The following SPRYD3 variants were observed in gnomAD, a reference collection of about 807,000 sequenced individuals.
The protein encoded by SPRYD3 is SPRY domain-containing protein 3.
SPRYD3 carries 17 observed loss-of-function variants against 50.1 expected under a neutral mutation model. The ratio of observed to expected loss-of-function variants is 0.34; its 90% CI spans 0.23 to 0.51. The LOEUF is 0.51. Ranked by LOEUF, SPRYD3 falls within the 20% of genes least tolerant of loss-of-function variation. SPRYD3 has a pLI of 0.97. For synonymous variants in SPRYD3, 198 were observed against 215.5 expected (o/e 0.92, Z 0.71); for missense variants, 401 against 591.2 (o/e 0.68, Z 3.34).
chr12:53,067,117 A>C (rs972662054), intron 8 of SPRYD3, among the ~76,000 whole-genome samples: 2 of 151,704 alleles, frequency 1.3e-5, no homozygotes, highest in Non-Finnish European at 2.9e-5. Flanking sequence ...CTCAAAAAAA[A>C]AAAAAAAAAA....
chr12:53,072,142 T>G (rs1944554278), intron 6 of SPRYD3, among the ~76,000 whole-genome samples: 2 of 152,124 alleles, frequency 1.3e-5, no homozygotes, highest in Admixed American at 1.3e-4. Flanking sequence ...GCCCCAAGTT[T>G]AACTCTGTAG....
rs751544747 is a variant in SPRYD3 at position 53,074,676 on chromosome 12, C to T, written c.480G>A (p.Gln160=). 19 of 1,614,162 alleles carry T rather than the reference C, an allele frequency of 1.2e-5. No homozygotes were observed. The highest frequency in any genetic ancestry group is 1.6e-4 in the Middle Eastern group (1 of 6,084). ...EPVSFDVQTA[Q]IFFTKNGKRV... Reference sequence around the variant, plus strand: ...GCTTCCCATTTTTGGTGAAGAAGATCTGGGCGGTCTGCACATCAAAGGACA... The same window carrying T: ...GCTTCCCATTTTTGGTGAAGAAGATTTGGGCGGTCTGCACATCAAAGGACA... The change falls in exon 5 of 11, where the codon CAG becomes CAA. Residue 160 remains glutamine (Q), a synonymous_variant. Transcript: ENST00000301463. This position sits in a 1 kb window ranked among gnomAD's most constrained non-coding sequence, Gnocchi z 4.6.
Position 53,066,356 on chromosome 12 carries a change from A to ATCCTCT in SPRYD3, c.1146_1151dup (p.Glu382_Glu383dup), listed in dbSNP as rs751496444. On this transcript the variant is annotated inframe_insertion, in exon 10 of 11. Transcript: ENST00000301463. Reference sequence around the variant, plus strand: ...CATGCTCCGGCTCTATCTCTTCCCCATCCTCTTCCTCTTCCTCTTCCTCCT... The same window carrying ATCCTCT: ...CATGCTCCGGCTCTATCTCTTCCCCATCCTCTTCCTCTTCCTCTTCCTCTTCCTCCT... 4.3e-5 allele frequency: 69 copies of ATCCTCT among 1,613,230 alleles called. 1 individual carries two copies. The highest frequency in any genetic ancestry group is 3.3e-4 in the African/African-American group (25 of 74,750).
Position 53,065,689 on chromosome 12 carries a change from CAG to C in SPRYD3, c.*141_*142del, listed in dbSNP as rs373761196. The C allele has an allele frequency of 2.0e-5, 17 of 840,344 alleles. No individual in the cohort carries two copies. The highest frequency in any genetic ancestry group is 1.5e-4 in the East Asian group (6 of 40,534). 52.1% of individuals were successfully genotyped at this position (840,344 alleles called of 1,614,324 possible). A position where few individuals can be genotyped will look rare whatever the true frequency, so the allele number is the denominator to read the frequency against. ...GAAACGTGGGCACAGAGAAGCGTGA[CAG>C]GGGCCTGAGCCAGTGGGGGCAGAGT... On this transcript the variant is annotated 3_prime_UTR_variant, in exon 11 of 11. Transcript: ENST00000301463.
At position 53,065,849 on chromosome 12, in the gene SPRYD3, G is replaced by A. The variant is rs766513301; in HGVS notation, c.1312C>T (p.His438Tyr). The A allele has an allele frequency of 1.2e-6, 2 of 1,613,386 alleles. No individual in the cohort carries two copies. Among genetic ancestry groups the A allele is most frequent in the Non-Finnish European group, 1.7e-6 (2 of 1,179,844 alleles). ...SCGEKVKVDL[H>Y]PLSG Reference sequence around the variant, plus strand: ...GGGAGGCCCTAGCCACTCAAGGGGTGCAGATCTACTTTGACTTTCTCCCCG... The same window carrying A: ...GGGAGGCCCTAGCCACTCAAGGGGTACAGATCTACTTTGACTTTCTCCCCG... Residue 438 changes from histidine to tyrosine, a missense_variant, in exon 11 of 11, where the codon CAC (histidine) becomes TAC (tyrosine). By Grantham distance (83) the His-to-Tyr change is moderately conservative. Coordinates refer to ENST00000301463, the MANE Select transcript of SPRYD3 (RefSeq NM_032840.3).
At position 53,065,848 on chromosome 12, in the gene SPRYD3, T is replaced by C. The variant is rs187951293; in HGVS notation, c.1313A>G (p.His438Arg). Residue 438 changes from histidine to arginine, a missense_variant, in exon 11 of 11, where the codon CAC becomes CGC. Coordinates refer to ENST00000301463, the MANE Select transcript of SPRYD3 (RefSeq NM_032840.3). The part of the protein sequence containing the change: ...SCGEKVKVDL[H>R]PLSG Reference sequence around the variant, plus strand: ...GGGGAGGCCCTAGCCACTCAAGGGGTGCAGATCTACTTTGACTTTCTCCCC... The same window carrying C: ...GGGGAGGCCCTAGCCACTCAAGGGGCGCAGATCTACTTTGACTTTCTCCCC... 66 of 1,612,998 alleles carry C rather than the reference T, an allele frequency of 4.1e-5. No individual in the cohort carries two copies. The East Asian group carries it at 1.4e-3, about 34-fold the overall frequency.
intron 5 of SPRYD3, 29 bp from the exon 6 acceptor site, chr12:53,073,500 AC>A: frequency 6.7e-7 from 1 of 1,499,222 alleles, no homozygotes; most frequent in South Asian, 1.2e-5. Context: ...CGGAGCTGCC[AC>A]CCGGCCTGCT....
Position 53,065,856 on chromosome 12 carries a change from T to C in SPRYD3, c.1305A>G (p.Val435=). 1 of 1,613,668 alleles carries C rather than the reference T, an allele frequency of 6.2e-7. No homozygotes were observed. The highest frequency in any genetic ancestry group is 8.5e-7 in the Non-Finnish European group (1 of 1,179,888). Residue 435 remains valine, a synonymous_variant, in exon 11 of 11, where the codon GTA becomes GTG. Coordinates refer to ENST00000301463, the MANE Select transcript of SPRYD3 (RefSeq NM_032840.3). The part of the protein sequence containing the change: ...GMLSCGEKVK[V]DLHPLSG ...CCTAGCCACTCAAGGGGTGCAGATC[T>C]ACTTTGACTTTCTCCCCGCAGCTCA...
intron 2 of SPRYD3, among the ~76,000 whole-genome samples, chr12:53,076,719 G>A (rs565694872): frequency 1.3e-5 from 2 of 152,240 alleles, no homozygotes; most frequent in Non-Finnish European, 2.9e-5. Context: ...GCCTCTGGGC[G>A]GGTGGATCAC....
intron 6 of SPRYD3, chr12:53,073,082 G>A (rs1944560680): frequency 6.4e-6 from 3 of 469,824 alleles, no homozygotes; most frequent in Admixed American, 7.5e-5. Context: ...AGAGGAGGAA[G>A]TGAAGAAAAG....
intron 8 of SPRYD3, 81 bp from the exon 9 acceptor site, chr12:53,066,773 C>G: frequency 6.7e-7 from 1 of 1,490,126 alleles, no homozygotes; most frequent in Non-Finnish European, 9.0e-7. Context: ...TGAAGCTGAA[C>G]ACTTCCCACC....
At position 53,073,276 on chromosome 12, in the gene SPRYD3, C is replaced by T. The variant is rs112907146; in HGVS notation, c.693+10G>A. On this transcript the variant is annotated intron_variant, in intron 6 of 10. Coordinates refer to ENST00000301463, the MANE Select transcript of SPRYD3 (RefSeq NM_032840.3). ...ACCCAGCCCCTCCCACCCTCCCACC[C>T]GCTACTTACAGTCCCACAGACTCTG... 4,891 of 643,484 alleles carry T rather than the reference C, an allele frequency of 7.6e-3. 173 individuals are homozygous for T. The African/African-American group carries it at 0.083, about 11-fold the overall frequency. The allele number at this position is 643,484 out of a possible 1,614,324, so 39.9% of individuals were successfully genotyped here.
At chr12:53,068,059 G>A (rs1018145721) in intron 7 of SPRYD3, 96 bp downstream of exon 7, 11 of 1,427,102 alleles carry the variant, frequency 7.7e-6, no homozygotes, top group South Asian at 2.5e-5. Flanking sequence ...CAAAGCCTGG[G>A]CTCCCCTGGT....
intron 3 of SPRYD3, 37 bp from the exon 4 acceptor site, chr12:53,075,256 G>C (rs376364138): frequency 1.4e-4 from 215 of 1,580,034 alleles, no homozygotes; most frequent in Non-Finnish European, 1.8e-4. Context: ...CAGCAGGGCT[G>C]GGAAATGGGA....
chr12:53,067,184 T>C (rs1465997544), intron 8 of SPRYD3, among the ~76,000 whole-genome samples: 1 of 150,070 alleles, frequency 6.7e-6, no homozygotes, highest in African/African-American at 2.5e-5. Flanking sequence ...AGACGTAGTA[T>C]CCATCTGCTC....
chr12:53,077,941 C>T, intron 1 of SPRYD3: 1 of 284,396 alleles, frequency 3.5e-6, no homozygotes, highest in Admixed American at 4.0e-5. Flanking sequence ...AATCCCAGCA[C>T]CTTGGGAGGC....
intron 6 of SPRYD3, 30 bp downstream of exon 6, chr12:53,073,256 G>GCCCCCGGGGGGGGGGGGGGCC: frequency 1.2e-5 from 5 of 424,132 alleles, no homozygotes; most frequent in East Asian, 3.8e-5. Context: ...CTCCGACCCA[G>GCCCCCGGGGGGGGGGGGGGCC]CCCCTCCCAC....
intron 6 of SPRYD3, 29 bp downstream of exon 6, chr12:53,073,257 C>CCCCGGGGGGGGGGGGGG: frequency 5.5e-6 from 2 of 363,996 alleles, no homozygotes; most frequent in Non-Finnish European, 5.1e-6. Context: ...TCCGACCCAG[C>CCCCGGGGGGGGGGGGGG]CCCTCCCACC....
intron 6 of SPRYD3, among the ~76,000 whole-genome samples, chr12:53,070,753 C>A (rs765719829): frequency 2.0e-5 from 3 of 152,232 alleles, no homozygotes; most frequent in Non-Finnish European, 4.4e-5. Context: ...TTCATCTTAG[C>A]CCTTACTTCC....
Sources: allele counts gnomAD v4.1 joint callset (sites outside exome capture counted in the v4.1 genomes callset), GRCh38; gene constraint gnomAD v4.1.1; non-coding constraint Gnocchi (gnomAD v3.1); transcripts MANE v1.5; gene names NCBI Gene and HGNC (gene_info 2026-07-23, HGNC 2026-07-21).